SCAPER: variants seen among roughly 807,000 people sequenced by gnomAD.
The protein encoded by SCAPER is S-phase cyclin A associated protein in the ER, also known as S phase cyclin A-associated protein in the endoplasmic reticulum.
SCAPER carries 98 observed loss-of-function variants against 182.2 expected under a neutral mutation model. The observed-to-expected ratio is 0.54, with a 90% CI of 0.46 to 0.64. The LOEUF (loss-of-function observed/expected upper bound fraction) is 0.64. Among genes scored for constraint, SCAPER ranks in the 30% least tolerant of loss-of-function variants. The pLI is 0.00. For missense variants in SCAPER, 1,432 were observed against 1,690.0 expected (o/e 0.85, Z 2.68); for synonymous variants, 605 against 564.6 (o/e 1.07, Z -1.01).
chr15:76,704,301 T>G (rs1229625934), intron 18 of SCAPER, among the ~76,000 whole-genome samples: 1 of 152,196 alleles, frequency 6.6e-6, no homozygotes, highest in East Asian at 1.9e-4. Context: ...TAGTTTCTTT[T>G]GCTGTGCAGA....
At chr15:76,823,270 C>A (rs941159947) in intron 5 of SCAPER, among the ~76,000 whole-genome samples, 5 of 151,954 alleles carry the variant, frequency 3.3e-5, no homozygotes, top group African/African-American at 4.8e-5. Context: ...ACCAGCCCGG[C>A]CAACATGGTG....
intron 15 of SCAPER, among the ~76,000 whole-genome samples, chr15:76,741,097 T>C (rs1476634487): frequency 2.0e-5 from 3 of 152,156 alleles, no homozygotes; most frequent in African/African-American, 7.2e-5. Flanking sequence ...TCAATTTCAC[T>C]TCCATTTCAT....
intron 22 of SCAPER, among the ~76,000 whole-genome samples, chr15:76,581,674 C>T (rs2048286257): frequency 1.3e-5 from 2 of 152,102 alleles, no homozygotes; most frequent in South Asian, 4.1e-4. Flanking sequence ...GCAACCTCTG[C>T]CTCCCAAGTT....
chr15:76,550,106 G>A (rs142788714), intron 23 of SCAPER, among the ~76,000 whole-genome samples: 2 of 152,044 alleles, frequency 1.3e-5, no homozygotes. Context: ...TAACCCAACA[G>A]TAAAAAACAA....
At chr15:76,786,246 G>T (rs2064593526) in intron 8 of SCAPER, among the ~76,000 whole-genome samples, 1 of 145,984 alleles carries the variant, frequency 6.9e-6, no homozygotes, top group South Asian at 2.1e-4. Context: ...AGAATCACTT[G>T]AACCCAAGAG....
intron 29 of SCAPER, among the ~76,000 whole-genome samples, chr15:76,357,150 T>TCACACACACACACACACA (rs55912416): frequency 0.018 from 2,314 of 128,812 alleles, 40 homozygotes; most frequent in Admixed American, 0.025. Context: ...TTTATTGACA[T>TCACACACACACACACACA]CACACACACA....
At chr15:76,797,062 A>G (rs1001029289) in intron 7 of SCAPER, among the ~76,000 whole-genome samples, 1 of 152,236 alleles carries the variant, frequency 6.6e-6, no homozygotes, top group Non-Finnish European at 1.5e-5. Flanking sequence ...AAGAAAGAGT[A>G]TAAGACATTG....
At position 76,765,001 on chromosome 15, in the gene SCAPER, C is replaced by T. The variant is rs758863663; in HGVS notation, c.1685G>A (p.Arg562His). 21 of 1,602,642 alleles carry T rather than the reference C, an allele frequency of 1.3e-5. 1 individual carries two copies. The highest frequency in any genetic ancestry group is 4.5e-5 in the East Asian group (2 of 44,692). ...MKAQQLREKL[R>H]EEKTLKLQKL... ...CTGAAGCTTCAATGTTTTCTCTTCG[C>T]GTAACTTTTCCCTTAGCTGCTGTGC... Residue 562 changes from arginine (R) to histidine (H), a missense_variant, in exon 14 of 32, where the codon CGC becomes CAC. Around this residue, in one of 5 missense-constraint regions of SCAPER, gnomAD observed 128 missense variants for 149.9 expected, o/e 0.85. Transcript: ENST00000563290.
chr15:76,774,603 G>A (rs904225107), intron 9 of SCAPER, among the ~76,000 whole-genome samples: 11 of 152,058 alleles, frequency 7.2e-5, no homozygotes, highest in Non-Finnish European at 1.0e-4. Context: ...ACTCTCAAAT[G>A]TTAAGCATTT....
chr15:76,701,827 C>T lies in SCAPER; in HGVS notation c.2439G>A (p.Gly813=). ...CTCTCACGGCTTGCTGGTGTTTTCT[C>T]CCTTTAACATGGCTAAAAAGATATA... ...SEVYLFSHVK[G]RKHQQAVREN... Residue 813 remains glycine, a synonymous_variant, in exon 20 of 32, where the codon GGG becomes GGA. Coordinates refer to ENST00000563290, the MANE Select transcript of SCAPER (RefSeq NM_020843.4). 6.2e-7 allele frequency: 1 copy of T among 1,613,800 alleles called. No individual in the cohort carries two copies. The highest frequency in any genetic ancestry group is 2.2e-5 in the East Asian group (1 of 44,858).
chr15:76,560,146 C>T (rs111264940), intron 23 of SCAPER, among the ~76,000 whole-genome samples: 13 of 152,070 alleles, frequency 8.5e-5, no homozygotes, highest in Non-Finnish European at 1.2e-4. Flanking sequence ...ACTTAATCCC[C>T]GGTGTGATAG....
intron 6 of SCAPER, among the ~76,000 whole-genome samples, chr15:76,802,706 G>A (rs2065884350): frequency 1.3e-5 from 2 of 152,158 alleles, no homozygotes; most frequent in African/African-American, 4.8e-5. Flanking sequence ...ATCAGGATGA[G>A]ATAAAAGATG....
intron 20 of SCAPER, among the ~76,000 whole-genome samples, chr15:76,681,951 T>C (rs893475963): frequency 3.3e-5 from 5 of 152,164 alleles, no homozygotes; most frequent in Non-Finnish European, 5.9e-5. Context: ...CAGGGCAAAG[T>C]GGTCTTGCCC....
intron 17 of SCAPER, among the ~76,000 whole-genome samples, chr15:76,727,148 G>A (rs1007893496): frequency 6.6e-6 from 1 of 151,914 alleles, no homozygotes; most frequent in African/African-American, 2.4e-5. Flanking sequence ...ACATTTAGTA[G>A]CATGCTCATA....
chr15:76,471,907 G>A (rs2143002344), intron 24 of SCAPER, among the ~76,000 whole-genome samples: 1 of 152,282 alleles, frequency 6.6e-6, no homozygotes, highest in South Asian at 2.1e-4. Flanking sequence ...GCCTGCGTGG[G>A]CCCAGACAGT....
intron 28 of SCAPER, 39 bp from the exon 29 acceptor site, chr15:76,376,350 G>T: frequency 1.3e-6 from 2 of 1,559,902 alleles, no homozygotes; most frequent in Non-Finnish European, 1.7e-6. Flanking sequence ...CCTCAGCCCA[G>T]GGAGAGCCAG....
At chr15:76,755,714 C>G (rs377385633) in intron 14 of SCAPER, among the ~76,000 whole-genome samples, 11 of 152,160 alleles carry the variant, frequency 7.2e-5, no homozygotes, top group African/African-American at 2.2e-4. Context: ...CTCAGCACAA[C>G]TTCATTTTAT....
intron 26 of SCAPER, among the ~76,000 whole-genome samples, chr15:76,411,918 T>C (rs528179848): frequency 6.6e-6 from 1 of 152,198 alleles, no homozygotes; most frequent in Admixed American, 6.6e-5. Context: ...TGTGTATCTT[T>C]CCATGTGTTA....
At chr15:76,471,830 G>A (rs2050199699) in intron 24 of SCAPER, among the ~76,000 whole-genome samples, 1 of 152,194 alleles carries the variant, frequency 6.6e-6, no homozygotes, top group African/African-American at 2.4e-5. Flanking sequence ...ACATCACACT[G>A]CTTGGAGGCG....
Sources: allele counts gnomAD v4.1 joint callset (sites outside exome capture counted in the v4.1 genomes callset), GRCh38; gene constraint gnomAD v4.1.1; regional missense constraint gnomAD v4.1.1; transcripts MANE v1.5; gene names NCBI Gene and HGNC (gene_info 2026-07-23, HGNC 2026-07-21).